The following CNTNAP2 variants were observed in gnomAD, a reference collection of about 807,000 sequenced individuals.
CNTNAP2 encodes contactin-associated protein-like 2.
Under a neutral mutation model 155.2 loss-of-function variants are expected in CNTNAP2, and 98 were observed. The ratio of observed to expected loss-of-function variants is 0.63; its 90% CI spans 0.54 to 0.75. CNTNAP2 has a LOEUF of 0.75. Ranked by LOEUF, CNTNAP2 falls within the 30% of genes least tolerant of loss-of-function variation. The probability of loss-of-function intolerance (pLI) is 0.00; values close to 1 mark genes in which losing one functional copy is unlikely to be tolerated. For missense variants in CNTNAP2, 1,727 were observed against 1,688.1 expected (o/e 1.02, Z -0.40); for synonymous variants, 651 against 631.2 (o/e 1.03, Z -0.47).
intron 16 of CNTNAP2, among the ~76,000 whole-genome samples, chr7:148,130,519 GTCCAGTTAC>G (rs1292454769): frequency 1.3e-5 from 2 of 152,114 alleles, no homozygotes; most frequent in African/African-American, 4.8e-5. Flanking sequence ...TACAGATCTG[GTCCAGTTAC>G]TCCTTTCCTT....
chr7:147,100,522 T>C (rs1800631833), intron 4 of CNTNAP2, among the ~76,000 whole-genome samples: 1 of 152,222 alleles, frequency 6.6e-6, no homozygotes, highest in African/African-American at 2.4e-5. Flanking sequence ...ATATATTCTT[T>C]ATTTAAACTC....
At position 146,266,226 on chromosome 7, in the gene CNTNAP2, A is replaced by G. The variant is rs1260393393; in HGVS notation, c.97+149253A>G. On this transcript the variant is annotated intron_variant, in intron 1 of 23. Coordinates refer to ENST00000361727, the MANE Select transcript of CNTNAP2 (RefSeq NM_014141.6). ...GGCAATGTAAGCTGAAGCAGCTAGT[A>G]CTGAGAAAAAGTAGCATTATTGTCT... Among the ~76,000 whole-genome samples the G allele has an allele frequency of 2.6e-5, 4 of 152,282 alleles. No homozygotes were observed. The East Asian group carries it at 7.7e-4, about 29-fold the overall frequency.
chr7:146,786,265 GGC>G, intron 2 of CNTNAP2, among the ~76,000 whole-genome samples: 1 of 151,566 alleles, frequency 6.6e-6, no homozygotes, highest in African/African-American at 2.4e-5. Flanking sequence ...CTTATTAAGA[GGC>G]AGACCAAATT....
In CNTNAP2 at chr7:147,074,785, G is replaced by A. The variant is rs552851609; in HGVS notation, c.550+30731G>A. On this transcript the variant is annotated intron_variant, in intron 4 of 23. Coordinates refer to ENST00000361727, the MANE Select transcript of CNTNAP2 (RefSeq NM_014141.6). ...TGTGTTTTGTCTTATTTCATTTTCA[G>A]TATGTTTCTATTGAAAGTGAGATTG... 2.6e-5 allele frequency among the ~76,000 whole-genome samples: 4 copies of A among 152,152 alleles called. No individual in the cohort carries two copies. In the South Asian group the frequency reaches 8.3e-4, roughly 32 times the overall value.
intron 8 of CNTNAP2, among the ~76,000 whole-genome samples, chr7:147,196,941 G>T (rs1331413090): frequency 6.6e-6 from 1 of 152,020 alleles, no homozygotes; most frequent in Non-Finnish European, 1.5e-5. Flanking sequence ...AGGAGAATAG[G>T]GTCTGGAGGC....
chr7:148,402,396 TAA>T (rs1799607116), intron 22 of CNTNAP2, among the ~76,000 whole-genome samples: 2 of 152,164 alleles, frequency 1.3e-5, no homozygotes, highest in Non-Finnish European at 2.9e-5. Flanking sequence ...ACATGCCACA[TAA>T]TGCTCTGCCT....
intron 19 of CNTNAP2, among the ~76,000 whole-genome samples, chr7:148,227,650 T>G (rs1433734394): frequency 1.3e-5 from 2 of 152,176 alleles, no homozygotes; most frequent in East Asian, 3.9e-4. Flanking sequence ...GGAATTTAGA[T>G]AGATTTAGGA....
chr7:146,178,565 T>G (rs942046882), intron 1 of CNTNAP2, among the ~76,000 whole-genome samples: 2 of 152,202 alleles, frequency 1.3e-5, no homozygotes, highest in African/African-American at 2.4e-5. Flanking sequence ...ATACAAGTAG[T>G]GACCTACGCA....
intron 9 of CNTNAP2, among the ~76,000 whole-genome samples, chr7:147,346,735 C>A: frequency 6.6e-6 from 1 of 152,226 alleles, no homozygotes; most frequent in East Asian, 1.9e-4. Flanking sequence ...TTTGTTTCTT[C>A]TTTTTATTTA....
intron 13 of CNTNAP2, among the ~76,000 whole-genome samples, chr7:147,706,042 A>G (rs1256787222): frequency 1.3e-5 from 2 of 151,908 alleles, no homozygotes; most frequent in African/African-American, 4.8e-5. Flanking sequence ...ACCTATTTAC[A>G]TTCAAAGTTA....
chr7:146,741,088 C>G (rs946030549), intron 1 of CNTNAP2, among the ~76,000 whole-genome samples: 1 of 152,064 alleles, frequency 6.6e-6, no homozygotes, highest in East Asian at 1.9e-4. Flanking sequence ...TTCATTCTAT[C>G]TAGTGGATGG....
intron 8 of CNTNAP2, among the ~76,000 whole-genome samples, chr7:147,137,577 A>G (rs901238656): frequency 2.0e-5 from 3 of 151,856 alleles, no homozygotes; most frequent in Non-Finnish European, 4.4e-5. Flanking sequence ...TAAATAGCAT[A>G]TCAATTTAAA....
chr7:148,075,549 G>T (rs1563190582), intron 15 of CNTNAP2, among the ~76,000 whole-genome samples: 1 of 152,192 alleles, frequency 6.6e-6, no homozygotes, highest in African/African-American at 2.4e-5. Flanking sequence ...CTCTGAAGGA[G>T]TAAGAGAGTC....
At chr7:148,291,646 C>G (rs1797192803) in intron 21 of CNTNAP2, among the ~76,000 whole-genome samples, 1 of 152,126 alleles carries the variant, frequency 6.6e-6, no homozygotes, top group Non-Finnish European at 1.5e-5. Flanking sequence ...CACAGATACA[C>G]CCAGGACCAA....
At chr7:147,304,368 A>G (rs1794991454) in intron 9 of CNTNAP2, among the ~76,000 whole-genome samples, 1 of 152,208 alleles carries the variant, frequency 6.6e-6, no homozygotes, top group Non-Finnish European at 1.5e-5. Flanking sequence ...AAAGAATGTT[A>G]AACACAATAA....
At chr7:147,624,450 A>T (rs772881375) in intron 12 of CNTNAP2, among the ~76,000 whole-genome samples, 4 of 152,176 alleles carry the variant, frequency 2.6e-5, no homozygotes, top group Non-Finnish European at 5.9e-5. Flanking sequence ...TTGGCCAAAG[A>T]CTTAAATAGA....
intron 9 of CNTNAP2, among the ~76,000 whole-genome samples, chr7:147,313,205 T>C (rs1795158011): frequency 6.6e-6 from 1 of 152,140 alleles, no homozygotes; most frequent in African/African-American, 2.4e-5. Context: ...TCTCCCACTT[T>C]GTAGGTTCCC....
intron 11 of CNTNAP2, among the ~76,000 whole-genome samples, chr7:147,542,941 G>T (rs548628536): frequency 6.6e-6 from 1 of 152,166 alleles, no homozygotes; most frequent in African/African-American, 2.4e-5. Context: ...AGAAAACCTA[G>T]ATTTTCCTTT....
intron 19 of CNTNAP2, among the ~76,000 whole-genome samples, chr7:148,224,120 T>A (rs1265527576): frequency 1.3e-5 from 2 of 152,202 alleles, no homozygotes; most frequent in East Asian, 3.9e-4. Context: ...AATATATGTG[T>A]TCTGAAGAAA....
Sources: gnomAD v4.1 joint callset for allele counts (sites outside exome capture counted in the v4.1 genomes callset) on GRCh38, gnomAD v4.1.1 for gene constraint, MANE v1.5 for transcripts, NCBI Gene and HGNC (gene_info 2026-07-23, HGNC 2026-07-21) for gene names.